Variants in TRAF3IP2 observed in about 807,000 individuals in gnomAD.
TRAF3IP2 encodes TRAF3 interacting protein 2, also known as E3 ubiquitin ligase TRAF3IP2.
Under a neutral mutation model 57.9 loss-of-function variants are expected in TRAF3IP2, and 35 were observed. That is an observed-to-expected ratio of 0.60 (90% confidence interval 0.46 to 0.80). The LOEUF (loss-of-function observed/expected upper bound fraction) is 0.80. TRAF3IP2 is among the 30% of genes least tolerant of loss of function. The pLI is 0.00. For missense variants in TRAF3IP2, 556 were observed against 706.4 expected (o/e 0.79, Z 2.41); for synonymous variants, 251 against 268.9 (o/e 0.93, Z 0.65).
At chr6:111,559,702 G>A (rs970652609) in intron 8 of TRAF3IP2, 151 bp from the exon 9 acceptor site, 2 of 898,740 alleles carry the variant, frequency 2.2e-6, no homozygotes, top group Non-Finnish European at 3.3e-6. Context: ...CTTTTGGAAA[G>A]GTTTAGCATG....
At chr6:111,571,697 T>C (rs1413340484) in intron 5 of TRAF3IP2, among the ~76,000 whole-genome samples, 1 of 151,970 alleles carries the variant, frequency 6.6e-6, no homozygotes, top group Non-Finnish European at 1.5e-5. Context: ...GAGGCCAAGG[T>C]TGGCAGATCA....
chr6:111,566,008 A>G (rs1355393163), intron 7 of TRAF3IP2, among the ~76,000 whole-genome samples: 1 of 152,202 alleles, frequency 6.6e-6, no homozygotes, highest in Non-Finnish European at 1.5e-5. Context: ...AACCAGGCCC[A>G]CATGATGCAA....
chr6:111,592,977 C>T (rs894206428), intron 1 of TRAF3IP2, among the ~76,000 whole-genome samples: 2 of 152,098 alleles, frequency 1.3e-5, no homozygotes, highest in Non-Finnish European at 2.9e-5. Flanking sequence ...TCCAACGGGC[C>T]GGGCAATATT....
Position 111,555,826 on chromosome 6 carries a change from G to A in TRAF3IP2, c.*3579C>T, listed in dbSNP as rs975105414. Among the ~76,000 whole-genome samples the A allele has an allele frequency of 3.3e-5, 5 of 152,332 alleles. No individual in the cohort carries two copies. The highest frequency in any genetic ancestry group is 1.9e-4 in the East Asian group (1 of 5,188). ...GTTGTTACAATTCCTTTGATGGGCC[G>A]GGCGTGGTGGCTCATGCCTGTAATC... On this transcript the variant is annotated 3_prime_UTR_variant, in exon 9 of 9. Coordinates refer to ENST00000368761, the MANE Select transcript of TRAF3IP2 (RefSeq NM_147686.4).
intron 5 of TRAF3IP2, among the ~76,000 whole-genome samples, chr6:111,571,745 T>TTG (rs1175535946): frequency 6.6e-6 from 1 of 151,982 alleles, no homozygotes; most frequent in East Asian, 1.9e-4. Flanking sequence ...GCCAACATAG[T>TTG]GAAACCCCAT....
intron 8 of TRAF3IP2, among the ~76,000 whole-genome samples, chr6:111,562,097 T>C (rs1451010004): frequency 6.6e-6 from 1 of 152,208 alleles, no homozygotes; most frequent in Non-Finnish European, 1.5e-5. Flanking sequence ...ATTCTCAACA[T>C]GTTTACTCCA....
chr6:111,591,113 C>T lies in TRAF3IP2; in HGVS notation c.829+145G>A. The stretch of plus-strand genomic sequence containing the variant: ...CAGGCCCTTTGCAAATCCAGCCACA[C>T]ATGGAAAGCCCCTAAGAGAAGCAGA... On this transcript the variant is annotated intron_variant, in intron 2 of 8. Coordinates refer to ENST00000368761, the MANE Select transcript of TRAF3IP2 (RefSeq NM_147686.4). The surrounding 1 kb of genome is among the most constrained non-coding windows in gnomAD (Gnocchi z 4.9). 1.8e-6 allele frequency: 1 copy of T among 552,112 alleles called. No individual in the cohort carries two copies. The highest frequency in any genetic ancestry group is 5.2e-4 in the Middle Eastern group (1 of 1,916). The allele number at this position is 552,112 out of a possible 1,614,324, so 34.2% of individuals were successfully genotyped here.
chr6:111,563,924 A>T (rs940036583), intron 7 of TRAF3IP2, among the ~76,000 whole-genome samples: 4 of 152,176 alleles, frequency 2.6e-5, no homozygotes, highest in African/African-American at 9.7e-5. Context: ...TTTCAATAGG[A>T]GGGGAGTTAG....
chr6:111,605,127 A>G (rs568866785), intron 1 of TRAF3IP2, among the ~76,000 whole-genome samples: 1 of 151,862 alleles, frequency 6.6e-6, no homozygotes, highest in Admixed American at 6.6e-5. Context: ...TACCATCTTG[A>G]ACTTGAAAGT....
intron 1 of TRAF3IP2, among the ~76,000 whole-genome samples, 165 bp downstream of exon 1, chr6:111,605,611 T>C (rs1796995969): frequency 6.6e-6 from 1 of 152,308 alleles, no homozygotes; most frequent in Middle Eastern, 3.4e-3. Context: ...TCACTGTCAT[T>C]TTCTCAGCTA....
rs1355004549 is a variant in TRAF3IP2 at position 111,570,405 on chromosome 6, C to A, written c.1290+2490G>T. Among the ~76,000 whole-genome samples, 3 of 152,186 alleles carry A rather than the reference C, an allele frequency of 2.0e-5. No homozygotes were observed. In the East Asian group the frequency reaches 5.8e-4, roughly 29 times the overall value. On this transcript the variant is annotated intron_variant, in intron 5 of 8. Transcript: ENST00000368761. ...TAGTGCCAGAATACTGCACTATCCC[C>A]AATAAAATTGGACTCTCTAAAACCT... is the stretch of plus-strand genomic sequence containing the variant.
At chr6:111,564,179 C>G (rs1307331614) in intron 7 of TRAF3IP2, among the ~76,000 whole-genome samples, 1 of 152,086 alleles carries the variant, frequency 6.6e-6, no homozygotes, top group Non-Finnish European at 1.5e-5. Context: ...CACACACACA[C>G]ACGATCACAC....
chr6:111,593,928 C>T (rs1287846065), intron 1 of TRAF3IP2, among the ~76,000 whole-genome samples: 1 of 151,962 alleles, frequency 6.6e-6, no homozygotes, highest in Non-Finnish European at 1.5e-5. Flanking sequence ...GTCAGGTATT[C>T]GAGACTAGCC....
At position 111,560,306 on chromosome 6, in the gene TRAF3IP2, C is replaced by T. The variant is rs149452784; in HGVS notation, c.1552-755G>A. Among the ~76,000 whole-genome samples, 85 of 152,216 alleles carry T rather than the reference C, an allele frequency of 5.6e-4. No individual in the cohort carries two copies. The South Asian group carries it at 7.5e-3, about 13-fold the overall frequency. ...GTCCAGGCAGATAGGAGAGTCAGTG[C>T]GAAGGCCCTGTGGAGGGAGTGTGTT... On this transcript the variant is annotated intron_variant, in intron 8 of 8. Transcript: ENST00000368761.
At chr6:111,605,028 A>C (rs560540997) in intron 1 of TRAF3IP2, among the ~76,000 whole-genome samples, 82 of 152,244 alleles carry the variant, frequency 5.4e-4, no homozygotes, top group Middle Eastern at 3.4e-3. Flanking sequence ...GAAGTGAAGA[A>C]CTTGAAACCA....
intron 1 of TRAF3IP2, among the ~76,000 whole-genome samples, chr6:111,596,579 G>A (rs1390242901): frequency 1.3e-5 from 2 of 152,152 alleles, no homozygotes; most frequent in East Asian, 1.9e-4. Context: ...TCAGCCTCCC[G>A]AGTAGCTGTG....
chr6:111,593,726 A>C (rs1796590654), intron 1 of TRAF3IP2, among the ~76,000 whole-genome samples: 1 of 152,086 alleles, frequency 6.6e-6, no homozygotes, highest in African/African-American at 2.4e-5. Context: ...TCCTCTGCTC[A>C]TTGGCTCTGC....
chr6:111,569,675 G>A (rs1160622661), intron 5 of TRAF3IP2, among the ~76,000 whole-genome samples: 2 of 152,196 alleles, frequency 1.3e-5, no homozygotes, highest in Non-Finnish European at 2.9e-5. Context: ...AAAATTGCTT[G>A]AGCCTGGGAG....
intron 8 of TRAF3IP2, 151 bp downstream of exon 8, chr6:111,562,814 C>T: frequency 1.7e-6 from 1 of 599,260 alleles, no homozygotes; most frequent in Non-Finnish European, 2.8e-6. Flanking sequence ...CATTGCACTC[C>T]AGGCTGGGCA....
Sources: allele counts gnomAD v4.1 joint callset (sites outside exome capture counted in the v4.1 genomes callset), GRCh38; gene constraint gnomAD v4.1.1; non-coding constraint Gnocchi (gnomAD v3.1); transcripts MANE v1.5; gene names NCBI Gene and HGNC (gene_info 2026-07-23, HGNC 2026-07-21).